The following HS3ST2 variants were observed in gnomAD, a reference collection of about 807,000 sequenced individuals.
HS3ST2 encodes the protein heparan sulfate glucosamine 3-O-sulfotransferase 2.
A neutral mutation model predicts 26.3 loss-of-function variants in HS3ST2; 17 were observed. The ratio of observed to expected loss-of-function variants is 0.65; its 90% CI spans 0.44 to 0.97. The LOEUF is 0.97. Ranked by LOEUF, HS3ST2 falls within the 50% of genes least tolerant of loss-of-function variation. The pLI is 0.00. For missense variants in HS3ST2, 402 were observed against 501.2 expected, an observed-to-expected ratio of 0.80 and a Z score of 1.89; for synonymous variants, 237 against 219.2, an observed-to-expected ratio of 1.08 and a Z score of -0.72.
At chr16:22,820,025 T>A (rs1274395314) in intron 1 of HS3ST2, among the ~76,000 whole-genome samples, 1 of 152,246 alleles carries the variant, frequency 6.6e-6, no homozygotes, top group African/African-American at 2.4e-5. Flanking sequence ...TGCACATAGA[T>A]GAATGTGTGT....
intron 1 of HS3ST2, among the ~76,000 whole-genome samples, chr16:22,903,988 G>C (rs1318472311): frequency 6.6e-6 from 1 of 152,164 alleles, no homozygotes; most frequent in African/African-American, 2.4e-5. Context: ...GCAGGGATTA[G>C]AGCAGCCTTG....
intron 1 of HS3ST2, among the ~76,000 whole-genome samples, chr16:22,905,906 C>A (rs996505281): frequency 1.3e-5 from 2 of 152,138 alleles, no homozygotes; most frequent in African/African-American, 4.8e-5. Flanking sequence ...GCACCCCAAA[C>A]CCACTGAAAT....
In HS3ST2 at chr16:22,848,009, A is replaced by G. The variant is rs112176818; in HGVS notation, c.485+32914A>G. On this transcript the variant is annotated intron_variant, in intron 1 of 1. Transcript: ENST00000261374. ...TTCAATTAATAGTCTCATTTTCTTC[A>G]ATTCTTGCCTGATCAGGTCAGCCTC... 5.3e-5 allele frequency among the ~76,000 whole-genome samples: 8 copies of G among 152,310 alleles called. 2 individuals are homozygous for G. The highest frequency in any genetic ancestry group is 1.9e-4 in the African/African-American group (8 of 41,592).
chr16:22,837,501 A>G lies in HS3ST2; in HGVS notation c.485+22406A>G, dbSNP rs542459939. 9.2e-3 allele frequency among the ~76,000 whole-genome samples: 1,214 copies of G among 132,494 alleles called. 14 individuals carry two copies. The highest frequency in any genetic ancestry group is 0.028 in the African/African-American group (1,001 of 35,384). 86.9% of individuals were successfully genotyped at this position (132,494 alleles called of 152,430 possible). On this transcript the variant is annotated intron_variant, in intron 1 of 1. Coordinates refer to ENST00000261374, the MANE Select transcript of HS3ST2 (RefSeq NM_006043.2). Reference sequence around the variant, plus strand: ...TTTTCCTATGTGTGTGTGTGTGTGTATATATATGTGTATATATATACACAT... The same window carrying G: ...TTTTCCTATGTGTGTGTGTGTGTGTGTATATATGTGTATATATATACACAT...
chr16:22,864,695 C>T (rs1463165219), intron 1 of HS3ST2, among the ~76,000 whole-genome samples: 1 of 152,020 alleles, frequency 6.6e-6, no homozygotes, highest in Non-Finnish European at 1.5e-5. Context: ...AGAAGGCCCT[C>T]AAGACACTGT....
In HS3ST2 at chr16:22,814,469, C is replaced by A; in HGVS notation, c.-142C>A. The A allele has an allele frequency of 2.4e-6, 2 of 826,782 alleles. No homozygotes were observed. The highest frequency in any genetic ancestry group is 2.1e-5 in the South Asian group (1 of 47,122). The allele number at this position is 826,782 out of a possible 1,614,324, so 51.2% of individuals were successfully genotyped here. ...TGTGCGCACCCTGGTCAGCAGCCCC[C>A]GGAGAAGACGGCGCCCCCAACGCCC... On this transcript the variant is annotated 5_prime_UTR_variant, in exon 1 of 2. Transcript: ENST00000261374.
intron 1 of HS3ST2, among the ~76,000 whole-genome samples, chr16:22,855,525 C>T (rs891149907): frequency 1.1e-4 from 17 of 152,172 alleles, no homozygotes; most frequent in East Asian, 1.9e-4. Context: ...GCAACTGCCA[C>T]GCCCCTGCTG....
intron 1 of HS3ST2, among the ~76,000 whole-genome samples, chr16:22,894,631 C>T (rs1395160158): frequency 1.3e-5 from 2 of 151,978 alleles, no homozygotes; most frequent in African/African-American, 4.8e-5. Context: ...GGTGCAGTGA[C>T]TCACGCCTGC....
At chr16:22,847,694 T>C (rs1233468597) in intron 1 of HS3ST2, among the ~76,000 whole-genome samples, 2 of 151,058 alleles carry the variant, frequency 1.3e-5, no homozygotes, top group African/African-American at 4.9e-5. Flanking sequence ...AGGGCATACA[T>C]GATAAGCTAT....
chr16:22,875,373 T>A (rs1021804100), intron 1 of HS3ST2, among the ~76,000 whole-genome samples: 1 of 150,530 alleles, frequency 6.6e-6, no homozygotes, highest in South Asian at 2.1e-4. Context: ...TTAATAAATT[T>A]ATTTATTTAT....
chr16:22,847,922 AAAAG>A (rs1233321749), intron 1 of HS3ST2, among the ~76,000 whole-genome samples: 2 of 151,342 alleles, frequency 1.3e-5, no homozygotes, highest in South Asian at 2.1e-4. Context: ...AGGAAGGAAG[AAAAG>A]GAAGGAAGGA....
intron 1 of HS3ST2, among the ~76,000 whole-genome samples, chr16:22,869,854 C>A (rs918879047): frequency 2.0e-5 from 3 of 152,098 alleles, no homozygotes; most frequent in Non-Finnish European, 4.4e-5. Flanking sequence ...GCAAAAGGAG[C>A]CCTCTTTCAG....
intron 1 of HS3ST2, among the ~76,000 whole-genome samples, chr16:22,871,309 T>C (rs1901834924): frequency 6.6e-6 from 1 of 151,276 alleles, no homozygotes; most frequent in Non-Finnish European, 1.5e-5. Flanking sequence ...TGAGCCAAGA[T>C]TGCACCACTG....
chr16:22,911,076 A>G (rs1030680495), intron 1 of HS3ST2, among the ~76,000 whole-genome samples: 1 of 152,190 alleles, frequency 6.6e-6, no homozygotes, highest in Non-Finnish European at 1.5e-5. Flanking sequence ...AGGGCCTGAA[A>G]AGACAAATAT....
chr16:22,867,368 C>G (rs1428108387), intron 1 of HS3ST2, among the ~76,000 whole-genome samples: 3 of 151,994 alleles, frequency 2.0e-5, no homozygotes, highest in Non-Finnish European at 4.4e-5. Flanking sequence ...AAGAACAAGA[C>G]TAAGAAATTG....
At chr16:22,913,618 A>G (rs1395993808) in intron 1 of HS3ST2, among the ~76,000 whole-genome samples, 3 of 152,246 alleles carry the variant, frequency 2.0e-5, no homozygotes, top group Non-Finnish European at 2.9e-5. Context: ...ATCTTTTGCC[A>G]GAACAATATT....
intron 1 of HS3ST2, among the ~76,000 whole-genome samples, chr16:22,899,089 G>T (rs990005084): frequency 6.6e-6 from 1 of 152,190 alleles, no homozygotes; most frequent in African/African-American, 2.4e-5. Context: ...AGACTGAAGT[G>T]TGAAGTTGTA....
In HS3ST2 at chr16:22,916,165, G is replaced by A. The variant is rs1025710797; in HGVS notation, c.*603G>A. ...GACTTCAGAGCCTATGGTCTCAACT[G>A]TGCTTGAAAAACACTGTCTCTGAAA... On this transcript the variant is annotated 3_prime_UTR_variant, in exon 2 of 2. Transcript: ENST00000261374. 6 of 152,918 alleles carry A rather than the reference G, an allele frequency of 3.9e-5. No homozygotes were observed. The highest frequency in any genetic ancestry group is 1.4e-4 in the African/African-American group (6 of 41,434). The allele number at this position is 152,918 out of a possible 1,614,324, so 9.5% of individuals were successfully genotyped here.
chr16:22,830,371 A>C lies in HS3ST2; in HGVS notation c.485+15276A>C, dbSNP rs576723518. ...GTGTAGATGAAGTCTAACCTGGAGC[A>C]TGTGGTCTTGCTAACAGGAGGAGGC... On this transcript the variant is annotated intron_variant, in intron 1 of 1. Transcript: ENST00000261374. Among the ~76,000 whole-genome samples, 58 of 151,756 alleles carry C rather than the reference A, an allele frequency of 3.8e-4. 1 individual carries two copies. Among genetic ancestry groups the C allele is most frequent in the African/African-American group, 1.3e-3 (54 of 41,362 alleles).
Sources: gnomAD v4.1 joint callset for allele counts (sites outside exome capture counted in the v4.1 genomes callset) on GRCh38, gnomAD v4.1.1 for gene constraint, MANE v1.5 for transcripts, NCBI Gene and HGNC (gene_info 2026-07-23, HGNC 2026-07-21) for gene names.